Variants in GPC6 observed in about 807,000 individuals in gnomAD.
The protein encoded by GPC6 is glypican 6.
GPC6 carries 14 observed loss-of-function variants against 55.2 expected under a neutral mutation model. The observed-to-expected ratio is 0.25, with a 90% CI of 0.17 to 0.40. GPC6 has a LOEUF of 0.40. Among genes scored for constraint, GPC6 ranks in the 10% least tolerant of loss-of-function variants. The probability of loss-of-function intolerance (pLI) is 1.00; values close to 1 mark genes in which losing one functional copy is unlikely to be tolerated. For synonymous variants in GPC6, 278 were observed against 259.6 expected, an observed-to-expected ratio of 1.07 and a Z score of -0.68; for missense variants, 641 against 708.5, an observed-to-expected ratio of 0.90 and a Z score of 1.08.
intron 1 of GPC6, among the ~76,000 whole-genome samples, chr13:93,256,318 A>G (rs1876951595): frequency 2.0e-5 from 3 of 152,080 alleles, no homozygotes; most frequent in African/African-American, 2.4e-5. Flanking sequence ...TTGCTTTCCT[A>G]TGGACAAGAG....
At chr13:93,900,178 T>A (rs1876268283) in intron 3 of GPC6, among the ~76,000 whole-genome samples, 1 of 152,028 alleles carries the variant, frequency 6.6e-6, no homozygotes, top group South Asian at 2.1e-4. Context: ...GACTTAAGAA[T>A]CTTCAGCATT....
intron 2 of GPC6, among the ~76,000 whole-genome samples, chr13:93,757,178 T>C (rs1454702587): frequency 6.6e-6 from 1 of 152,136 alleles, no homozygotes; most frequent in African/African-American, 2.4e-5. Context: ...TTCCTAAGTC[T>C]CCCTACAGGC....
At chr13:93,575,826 G>T (rs1303320927) in intron 2 of GPC6, among the ~76,000 whole-genome samples, 1 of 152,076 alleles carries the variant, frequency 6.6e-6, no homozygotes, top group African/African-American at 2.4e-5. Context: ...TCTCTGTGGT[G>T]CATGCTTCTT....
chr13:94,216,551 A>C (rs1890229457), intron 4 of GPC6, among the ~76,000 whole-genome samples: 1 of 152,210 alleles, frequency 6.6e-6, no homozygotes, highest in Non-Finnish European at 1.5e-5. Flanking sequence ...TCTGAGACTA[A>C]ATGTGACACA....
chr13:93,859,397 C>T (rs759495900), intron 3 of GPC6, among the ~76,000 whole-genome samples: 1 of 151,506 alleles, frequency 6.6e-6, no homozygotes, highest in Non-Finnish European at 1.5e-5. Flanking sequence ...AATATAACTG[C>T]TTTATTACCA....
At chr13:94,111,476 A>AATG in intron 4 of GPC6, among the ~76,000 whole-genome samples, 1 of 5,638 alleles carries the variant, frequency 1.8e-4, no homozygotes, top group Admixed American at 3.1e-3. Context: ...AAGTAAATAT[A>AATG]ATAATAATAA....
intron 4 of GPC6, among the ~76,000 whole-genome samples, chr13:94,037,863 A>G (rs1883394080): frequency 6.6e-6 from 1 of 152,004 alleles, no homozygotes; most frequent in African/African-American, 2.4e-5. Flanking sequence ...GATGATGGAA[A>G]TGTTCTATGT....
At position 94,271,421 on chromosome 13, in the gene GPC6, C is replaced by T. The variant is rs538307023; in HGVS notation, c.878-14928C>T. ...ACACACACACACACTCCATCATGCC[C>T]ACTTCTCTGAGACTTCTGCAGGTCT... On this transcript the variant is annotated intron_variant, in intron 4 of 8. Coordinates refer to ENST00000377047, the MANE Select transcript of GPC6 (RefSeq NM_005708.5). Among the ~76,000 whole-genome samples the T allele has an allele frequency of 2.6e-5, 4 of 151,766 alleles. No homozygotes were observed. In the South Asian group the frequency reaches 8.3e-4, roughly 32 times the overall value.
chr13:93,275,527 A>G (rs968351881), intron 1 of GPC6, among the ~76,000 whole-genome samples: 1 of 152,204 alleles, frequency 6.6e-6, no homozygotes, highest in African/African-American at 2.4e-5. Context: ...CACAGGCTAG[A>G]TGGCTTAGGG....
chr13:93,231,003 A>T (rs1035585926), intron 1 of GPC6, among the ~76,000 whole-genome samples: 4 of 152,056 alleles, frequency 2.6e-5, no homozygotes, highest in Non-Finnish European at 5.9e-5. Flanking sequence ...ACAATCTCTT[A>T]TATAGAATTT....
At chr13:93,856,546 C>A (rs976207288) in intron 3 of GPC6, among the ~76,000 whole-genome samples, 1 of 151,506 alleles carries the variant, frequency 6.6e-6, no homozygotes, top group African/African-American at 2.4e-5. Flanking sequence ...CAGTTTACTC[C>A]AAAGAGTAAG....
intron 3 of GPC6, among the ~76,000 whole-genome samples, chr13:93,961,620 A>G (rs1208765707): frequency 6.6e-6 from 1 of 152,212 alleles, no homozygotes; most frequent in Non-Finnish European, 1.5e-5. Context: ...GAAGGGAAAC[A>G]TTAGCATGCT....
chr13:94,200,139 A>G (rs981651637), intron 4 of GPC6, among the ~76,000 whole-genome samples: 5 of 147,096 alleles, frequency 3.4e-5, no homozygotes, highest in Non-Finnish European at 4.5e-5. Flanking sequence ...CTGGGCAACA[A>G]GAGCAAAACT....
chr13:94,113,647 G>GCTCCAACTCC (rs1886326201), intron 4 of GPC6, among the ~76,000 whole-genome samples: 1 of 152,074 alleles, frequency 6.6e-6, no homozygotes, highest in Non-Finnish European at 1.5e-5. Context: ...GGATGTTAGG[G>GCTCCAACTCC]AAAATATTCA....
chr13:93,381,117 C>G (rs1197564892), intron 1 of GPC6, among the ~76,000 whole-genome samples: 1 of 151,968 alleles, frequency 6.6e-6, no homozygotes, highest in Non-Finnish European at 1.5e-5. Flanking sequence ...TTTTAAAGGA[C>G]AATAACCTGA....
intron 1 of GPC6, among the ~76,000 whole-genome samples, chr13:93,418,206 G>T (rs1322107877): frequency 6.6e-6 from 1 of 151,378 alleles, no homozygotes; most frequent in African/African-American, 2.4e-5. Context: ...TTCGATATAG[G>T]CATATAATGC....
chr13:93,488,907 C>T (rs903631724), intron 1 of GPC6, among the ~76,000 whole-genome samples: 1 of 151,978 alleles, frequency 6.6e-6, no homozygotes, highest in African/African-American at 2.4e-5. Context: ...AAATTTTCTC[C>T]CATTCTATAG....
chr13:93,438,573 C>A (rs1877659756), intron 1 of GPC6, among the ~76,000 whole-genome samples: 1 of 152,044 alleles, frequency 6.6e-6, no homozygotes, highest in Non-Finnish European at 1.5e-5. Context: ...GAAGGGTAAT[C>A]TGAAGATATG....
At chr13:94,398,237 TAA>T (rs375910551) in intron 7 of GPC6, among the ~76,000 whole-genome samples, 7 of 139,854 alleles carry the variant, frequency 5.0e-5, no homozygotes, top group Admixed American at 7.2e-5. Flanking sequence ...CAGTGCCATT[TAA>T]AAAAAAAAAA....
Sources: allele counts gnomAD v4.1 joint callset (sites outside exome capture counted in the v4.1 genomes callset), GRCh38; gene constraint gnomAD v4.1.1; transcripts MANE v1.5; gene names NCBI Gene and HGNC (gene_info 2026-07-23, HGNC 2026-07-21).